The following DLGAP1 variants were observed in gnomAD, a reference collection of about 807,000 sequenced individuals.
The protein encoded by DLGAP1 is DLG associated protein 1.
In DLGAP1, 11 loss-of-function variants were observed where a neutral mutation model predicts 90.8. The ratio of observed to expected loss-of-function variants is 0.12; its 90% CI spans 0.08 to 0.20. DLGAP1 has a LOEUF of 0.20. Among genes scored for constraint, DLGAP1 ranks in the 10% least tolerant of loss-of-function variants. DLGAP1 has a pLI of 1.00. For synonymous variants in DLGAP1, 558 were observed against 540.7 expected (o/e 1.03, Z -0.44); for missense variants, 1,050 against 1,333.8 (o/e 0.79, Z 3.31).
In DLGAP1 at chr18:3,938,150, C is replaced by T. The variant is rs559822938; in HGVS notation, c.-72-58010G>A. 8.5e-5 allele frequency among the ~76,000 whole-genome samples: 13 copies of T among 152,258 alleles called. No individual in the cohort carries two copies. In the South Asian group the frequency reaches 1.0e-3, roughly 12 times the overall value. On this transcript the variant is annotated intron_variant, in intron 3 of 12. Coordinates refer to ENST00000315677, the MANE Select transcript of DLGAP1 (RefSeq NM_004746.4). ...CAGGCACTAGAAGCCGAAACATACACGTTAAAAAAGGGCAATAGTTTGGGG... is the reference window on the plus strand; with the variant it reads ...CAGGCACTAGAAGCCGAAACATACATGTTAAAAAAGGGCAATAGTTTGGGG...
At chr18:3,697,319 G>A (rs2061129670) in intron 7 of DLGAP1, among the ~76,000 whole-genome samples, 2 of 152,218 alleles carry the variant, frequency 1.3e-5, no homozygotes, top group African/African-American at 4.8e-5. Flanking sequence ...ATTCTCCTCT[G>A]GGCATTTAGT....
intron 1 of DLGAP1, among the ~76,000 whole-genome samples, chr18:4,390,063 T>C (rs1347451702): frequency 1.3e-5 from 2 of 152,080 alleles, no homozygotes; most frequent in Non-Finnish European, 2.9e-5. Context: ...TCTTAAGAAA[T>C]ACATTCTAAT....
chr18:3,705,793 G>T (rs983016572), intron 7 of DLGAP1, among the ~76,000 whole-genome samples: 5 of 151,688 alleles, frequency 3.3e-5, no homozygotes, highest in African/African-American at 9.7e-5. Context: ...CTAGTAGCTG[G>T]GATCACAGGC....
At chr18:4,030,671 A>G (rs1171833151) in intron 2 of DLGAP1, among the ~76,000 whole-genome samples, 1 of 152,230 alleles carries the variant, frequency 6.6e-6, no homozygotes, top group African/African-American at 2.4e-5. Flanking sequence ...CTGTAATCCC[A>G]GCACTTTGGG....
At chr18:3,617,364 C>G (rs377082107) in intron 7 of DLGAP1, among the ~76,000 whole-genome samples, 3 of 152,194 alleles carry the variant, frequency 2.0e-5, no homozygotes, top group East Asian at 3.9e-4. Context: ...TCTGGGAGGC[C>G]AAGGCAGGTG....
chr18:3,621,311 G>C (rs984851850), intron 7 of DLGAP1, among the ~76,000 whole-genome samples: 1 of 152,070 alleles, frequency 6.6e-6, no homozygotes. Flanking sequence ...CCCTCCTAAG[G>C]TTCATCAAAG....
chr18:4,236,274 T>C (rs1160156608), intron 1 of DLGAP1, among the ~76,000 whole-genome samples: 3 of 152,140 alleles, frequency 2.0e-5, no homozygotes, highest in Admixed American at 1.3e-4. Flanking sequence ...ACTAAAGCAG[T>C]GTTGGACATA....
At chr18:4,221,635 T>C (rs2078079073) in intron 1 of DLGAP1, among the ~76,000 whole-genome samples, 1 of 152,180 alleles carries the variant, frequency 6.6e-6, no homozygotes, top group Non-Finnish European at 1.5e-5. Context: ...AGACGTGAAG[T>C]TGACTGACAG....
intron 1 of DLGAP1, among the ~76,000 whole-genome samples, chr18:4,376,036 G>A (rs2082006998): frequency 6.6e-6 from 1 of 152,084 alleles, no homozygotes; most frequent in Non-Finnish European, 1.5e-5. Flanking sequence ...TAATTCTATA[G>A]ATTATACAAG....
chr18:4,100,870 T>C (rs968803506), intron 2 of DLGAP1, among the ~76,000 whole-genome samples: 1 of 152,252 alleles, frequency 6.6e-6, no homozygotes, highest in Non-Finnish European at 1.5e-5. Flanking sequence ...TGCATCTTTC[T>C]CATCTCTTTC....
intron 2 of DLGAP1, among the ~76,000 whole-genome samples, chr18:4,090,780 G>C (rs536255746): frequency 6.6e-6 from 1 of 152,236 alleles, no homozygotes; most frequent in African/African-American, 2.4e-5. Flanking sequence ...CTATCATAAA[G>C]ACACATGCAC....
chr18:3,502,671 AT>A, intron 11 of DLGAP1, 26 bp from the exon 12 acceptor site: 1 of 1,593,174 alleles, frequency 6.3e-7, no homozygotes. Context: ...AAAAACATTC[AT>A]GCTTTAGAAG....
chr18:3,656,799 C>G (rs1251080457), intron 7 of DLGAP1, among the ~76,000 whole-genome samples: 2 of 151,796 alleles, frequency 1.3e-5, no homozygotes, highest in Non-Finnish European at 2.9e-5. Flanking sequence ...GTGGCGCAAT[C>G]TCGGATCTTG....
At chr18:3,670,896 T>G (rs1046816600) in intron 7 of DLGAP1, among the ~76,000 whole-genome samples, 2 of 152,278 alleles carry the variant, frequency 1.3e-5, no homozygotes, top group African/African-American at 4.8e-5. Flanking sequence ...TAGTTTACCT[T>G]ATTAAGAATA....
chr18:3,540,695 C>A (rs181130876), intron 9 of DLGAP1, among the ~76,000 whole-genome samples: 141 of 152,054 alleles, frequency 9.3e-4, no homozygotes, highest in Non-Finnish European at 1.6e-3. Context: ...AGACAAACAT[C>A]CATCTGTTAT....
intron 1 of DLGAP1, among the ~76,000 whole-genome samples, chr18:4,433,364 T>TA (rs1421206157): frequency 6.6e-6 from 1 of 152,226 alleles, no homozygotes; most frequent in Non-Finnish European, 1.5e-5. Context: ...CTGTTTGACA[T>TA]AATGATCAAC....
chr18:4,323,127 A>G lies in DLGAP1; in HGVS notation c.-267+131879T>C, dbSNP rs185264209. Reference sequence around the variant, plus strand: ...CAAATAATCTGATTAAAAAGCGAGCAAAGGATTTGAAGGGACAATTATCAA... The same window carrying G: ...CAAATAATCTGATTAAAAAGCGAGCGAAGGATTTGAAGGGACAATTATCAA... On this transcript the variant is annotated intron_variant, in intron 1 of 12. Coordinates refer to ENST00000315677, the MANE Select transcript of DLGAP1 (RefSeq NM_004746.4). Among the ~76,000 whole-genome samples, 647 of 152,280 alleles carry G rather than the reference A, an allele frequency of 4.2e-3. 4 individuals carry two copies. Among genetic ancestry groups the G allele is most frequent in the African/African-American group, 0.013 (537 of 41,570 alleles).
intron 4 of DLGAP1, among the ~76,000 whole-genome samples, chr18:3,853,468 C>T (rs2069455738): frequency 6.6e-6 from 1 of 151,686 alleles, no homozygotes; most frequent in Admixed American, 6.6e-5. Context: ...GTTATAATTG[C>T]CTACAGTATT....
intron 1 of DLGAP1, among the ~76,000 whole-genome samples, chr18:4,412,100 G>A (rs1269905093): frequency 6.6e-6 from 1 of 152,136 alleles, no homozygotes; most frequent in Non-Finnish European, 1.5e-5. Context: ...ATTTCCTATA[G>A]TCAGATGCAG....
Sources: allele counts gnomAD v4.1 joint callset (sites outside exome capture counted in the v4.1 genomes callset), GRCh38; gene constraint gnomAD v4.1.1; transcripts MANE v1.5; gene names NCBI Gene and HGNC (gene_info 2026-07-23, HGNC 2026-07-21).